The following STX8 variants were observed in gnomAD, a reference collection of about 807,000 sequenced individuals.
STX8 encodes syntaxin 8.
In STX8, 23 loss-of-function variants were observed where a neutral mutation model predicts 37.5. The ratio of observed to expected loss-of-function variants is 0.61; its 90% CI spans 0.44 to 0.87. The LOEUF is 0.87. Ranked by LOEUF, STX8 falls within the 40% of genes least tolerant of loss-of-function variation. The pLI is 0.00. For missense variants in STX8, 313 were observed against 284.7 expected (o/e 1.10, Z -0.71); for synonymous variants, 115 against 99.1 (o/e 1.16, Z -0.95).
intron 7 of STX8, among the ~76,000 whole-genome samples, chr17:9,346,779 A>G (rs112633630): frequency 6.6e-6 from 1 of 152,196 alleles, no homozygotes; most frequent in Non-Finnish European, 1.5e-5. Flanking sequence ...TGTTCTTACC[A>G]GTTTTATGGC....
rs562440319 is a variant in STX8, at chr17:9,507,506, G to A, written c.324-2344C>T. 6.6e-6 allele frequency among the ~76,000 whole-genome samples: 1 copy of A among 152,282 alleles called. No homozygotes were observed. The highest frequency in any genetic ancestry group is 2.4e-5 in the African/African-American group (1 of 41,558). The stretch of plus-strand genomic sequence containing the variant: ...ATAGCCCTGTAGGCTGTCCCCAGCA[G>A]GCATTCCCCACAGGAGAGCTGAGCA... On this transcript the variant is annotated intron_variant, in intron 4 of 7. Transcript: ENST00000306357. The surrounding 1 kb of genome is among the most constrained non-coding windows in gnomAD (Gnocchi z 4.0).
intron 7 of STX8, among the ~76,000 whole-genome samples, chr17:9,275,916 G>A (rs1416585206): frequency 2.6e-5 from 4 of 151,876 alleles, no homozygotes; most frequent in Admixed American, 2.0e-4. Context: ...TAACAGTAGC[G>A]TATATATAAT....
chr17:9,419,628 G>C (rs190521298), intron 6 of STX8, among the ~76,000 whole-genome samples: 2 of 152,178 alleles, frequency 1.3e-5, no homozygotes, highest in Non-Finnish European at 2.9e-5. Context: ...ATTGCATGGT[G>C]AAAACCTTTC....
At chr17:9,542,740 T>C (rs892325096) in intron 4 of STX8, among the ~76,000 whole-genome samples, 3 of 152,140 alleles carry the variant, frequency 2.0e-5, no homozygotes, top group Admixed American at 1.3e-4. Context: ...AGCAGTTATT[T>C]CTTAAATTGT....
chr17:9,365,484 G>C (rs1484645547), intron 7 of STX8, among the ~76,000 whole-genome samples: 1 of 152,242 alleles, frequency 6.6e-6, no homozygotes, highest in Admixed American at 6.5e-5. Flanking sequence ...CATGGAAAAG[G>C]TGTTGCAGGC....
intron 7 of STX8, among the ~76,000 whole-genome samples, chr17:9,306,885 G>A (rs990290357): frequency 6.6e-6 from 1 of 151,936 alleles, no homozygotes; most frequent in Non-Finnish European, 1.5e-5. Flanking sequence ...CAGCACTTTG[G>A]GAGGCTGAGG....
intron 1 of STX8, 124 bp downstream of exon 1, chr17:9,575,668 T>C: frequency 1.6e-6 from 2 of 1,215,550 alleles, no homozygotes; most frequent in Non-Finnish European, 2.3e-6. Flanking sequence ...AAAGGAAAGG[T>C]CTCGCTGCCC....
chr17:9,550,195 G>T (rs553779861), intron 3 of STX8, among the ~76,000 whole-genome samples: 21 of 151,340 alleles, frequency 1.4e-4, no homozygotes, highest in South Asian at 8.3e-4. Context: ...CTGCACTCCA[G>T]CCTGGGCAAC....
At chr17:9,534,008 T>C (rs1905924604) in intron 4 of STX8, among the ~76,000 whole-genome samples, 1 of 152,166 alleles carries the variant, frequency 6.6e-6, no homozygotes, top group Non-Finnish European at 1.5e-5. Flanking sequence ...AATAGTCTAT[T>C]TCTATTTTGA....
chr17:9,347,141 A>G (rs1407774946), intron 7 of STX8, among the ~76,000 whole-genome samples: 5 of 151,518 alleles, frequency 3.3e-5, no homozygotes, highest in Non-Finnish European at 7.4e-5. Context: ...AAAAAATAAA[A>G]AAATAAAAAA....
chr17:9,556,452 T>TA (rs946476120), intron 3 of STX8, among the ~76,000 whole-genome samples: 6 of 152,014 alleles, frequency 3.9e-5, no homozygotes, highest in African/African-American at 1.4e-4. Flanking sequence ...TCTCTTTTTT[T>TA]ATTATTTGAG....
intron 4 of STX8, among the ~76,000 whole-genome samples, chr17:9,536,994 C>T (rs918080968): frequency 3.9e-5 from 6 of 152,126 alleles, no homozygotes; most frequent in Non-Finnish European, 8.8e-5. Context: ...GATCCACCCC[C>T]GCCCTGGCCT....
intron 7 of STX8, among the ~76,000 whole-genome samples, chr17:9,352,674 G>C (rs1910748833): frequency 6.6e-6 from 1 of 150,562 alleles, no homozygotes; most frequent in African/African-American, 2.4e-5. Context: ...TAATTTTTTT[G>C]TATTTTTTTA....
intron 3 of STX8, among the ~76,000 whole-genome samples, chr17:9,546,497 A>C (rs1307878826): frequency 1.1e-5 from 1 of 94,294 alleles, no homozygotes; most frequent in African/African-American, 4.0e-5. Flanking sequence ...TGAAGCAAAA[A>C]GGGAAGTGGC....
intron 7 of STX8, among the ~76,000 whole-genome samples, chr17:9,372,956 T>C (rs1434411009): frequency 6.7e-6 from 1 of 150,348 alleles, no homozygotes; most frequent in Non-Finnish European, 1.5e-5. Context: ...ATACAAAAAT[T>C]AGCCCAGCGT....
chr17:9,497,029 C>A (rs574699755), intron 5 of STX8, among the ~76,000 whole-genome samples: 1 of 152,258 alleles, frequency 6.6e-6, no homozygotes, highest in African/African-American at 2.4e-5. Flanking sequence ...AAAACTAATA[C>A]AATCATTTTT....
At chr17:9,414,096 A>ACCCACCTACCCATTTGTCCG (rs1913084703) in intron 6 of STX8, among the ~76,000 whole-genome samples, 1 of 6,474 alleles carries the variant, frequency 1.5e-4, no homozygotes, top group African/African-American at 5.7e-4. Context: ...CCATCCATCC[A>ACCCACCTACCCATTTGTCCG]TCCATCCATC....
intron 7 of STX8, among the ~76,000 whole-genome samples, chr17:9,310,607 T>G (rs1174087514): frequency 6.6e-6 from 1 of 152,040 alleles, no homozygotes; most frequent in African/African-American, 2.4e-5. Context: ...TGCACCTGTT[T>G]TGGGAGGAGA....
intron 6 of STX8, among the ~76,000 whole-genome samples, chr17:9,453,948 G>A (rs991093951): frequency 6.6e-6 from 1 of 152,172 alleles, no homozygotes; most frequent in African/African-American, 2.4e-5. Context: ...TTGAAGAAGA[G>A]GGAAGGCGAG....
Sources: gnomAD v4.1 joint callset for allele counts (sites outside exome capture counted in the v4.1 genomes callset) on GRCh38, gnomAD v4.1.1 for gene constraint, Gnocchi (gnomAD v3.1) non-coding constraint, MANE v1.5 for transcripts, NCBI Gene and HGNC (gene_info 2026-07-23, HGNC 2026-07-21) for gene names.